Variants in DTNA observed in about 807,000 individuals in gnomAD.
The protein encoded by DTNA is dystrobrevin alpha, also known as dystrophin-related protein 3.
In DTNA, 43 loss-of-function variants were observed where a neutral mutation model predicts 100.7. The observed-to-expected ratio is 0.43, with a 90% CI of 0.33 to 0.55. The LOEUF is 0.55. DTNA is among the 20% of genes least tolerant of loss of function. The pLI, the probability that DTNA is intolerant of heterozygous loss-of-function variation, is 0.04. For synonymous variants in DTNA, 349 were observed against 347.9 expected (o/e 1.00, Z -0.04); for missense variants, 798 against 953.9 (o/e 0.84, Z 2.15).
chr18:34,840,650 A>G (rs760504491), intron 13 of DTNA, among the ~76,000 whole-genome samples: 4 of 152,158 alleles, frequency 2.6e-5, no homozygotes, highest in Non-Finnish European at 5.9e-5. Context: ...TAAGACCATA[A>G]ATCTGTCTCA....
intron 3 of DTNA, among the ~76,000 whole-genome samples, chr18:34,778,884 C>G (rs911107144): frequency 6.6e-6 from 1 of 152,024 alleles, no homozygotes; most frequent in African/African-American, 2.4e-5. Context: ...GTGGCGTGAT[C>G]TCGGCTCACT....
rs2096965845 is a variant in DTNA at position 34,891,791 on chromosome 18, A to G, written c.*4057A>G. 1 of 152,200 alleles carries G rather than the reference A, an allele frequency of 6.6e-6. No individual in the cohort carries two copies. The highest frequency in any genetic ancestry group is 1.5e-5 in the Non-Finnish European group (1 of 68,024). 9.4% of individuals were successfully genotyped at this position (152,200 alleles called of 1,614,324 possible). A position where few individuals can be genotyped will look rare whatever the true frequency, so the allele number is the denominator to read the frequency against. On this transcript the variant is annotated 3_prime_UTR_variant, in exon 23 of 23. Coordinates refer to ENST00000444659, the MANE Select transcript of DTNA (RefSeq NM_001386795.1). ...GCATCTAGCCATGTATTCTGCAAAT[A>G]TTAAGTGCTCAATGGTTTTTTTGTT... is the stretch of plus-strand genomic sequence containing the variant.
intron 1 of DTNA, among the ~76,000 whole-genome samples, chr18:34,716,290 C>G (rs902159695): frequency 1.3e-5 from 2 of 152,132 alleles, no homozygotes; most frequent in African/African-American, 4.8e-5. Flanking sequence ...GGCCGGGCAC[C>G]GTGGCTCACA....
In DTNA at chr18:34,864,172, A is replaced by G; in HGVS notation, c.1743+110A>G. The stretch of plus-strand genomic sequence containing the variant: ...CAATTGCTGTATGTGATTTCCCTCA[A>G]CATGTTGTTTCAAGCTCAGATGTAA... On this transcript the variant is annotated intron_variant, in intron 17 of 22. Transcript: ENST00000444659. 4 of 959,690 alleles carry G rather than the reference A, an allele frequency of 4.2e-6. No individual in the cohort carries two copies. In the South Asian group the frequency reaches 5.8e-5, roughly 14 times the overall value. 59.4% of individuals were successfully genotyped at this position (959,690 alleles called of 1,614,324 possible).
chr18:34,711,577 G>A (rs1230466484), intron 1 of DTNA, among the ~76,000 whole-genome samples: 1 of 152,154 alleles, frequency 6.6e-6, no homozygotes. Flanking sequence ...CTTTCTTAGT[G>A]AACTAAAATC....
intron 1 of DTNA, among the ~76,000 whole-genome samples, chr18:34,736,611 T>C (rs2089644398): frequency 6.6e-6 from 1 of 152,204 alleles, no homozygotes; most frequent in Admixed American, 6.5e-5. Context: ...TATTCTGAAA[T>C]TTAAGGCCTC....
rs1009497232 is a variant in DTNA at position 34,753,678 on chromosome 18, G to A, written c.-1-2298G>A. On this transcript the variant is annotated intron_variant, in intron 1 of 22. Coordinates refer to ENST00000444659, the MANE Select transcript of DTNA (RefSeq NM_001386795.1). Reference sequence around the variant, plus strand: ...ATTACAGGCGTGAGCCACCGCGCCCGGCCTGTGATTTATTTTTAATCATTC... The same window carrying A: ...ATTACAGGCGTGAGCCACCGCGCCCAGCCTGTGATTTATTTTTAATCATTC... Among the ~76,000 whole-genome samples, 7 of 141,822 alleles carry A rather than the reference G, an allele frequency of 4.9e-5. No homozygotes were observed. In the South Asian group the frequency reaches 6.2e-4, roughly 13 times the overall value. The allele number at this position is 141,822 out of a possible 152,430, so 93.0% of individuals were successfully genotyped here. A position where few individuals can be genotyped will look rare whatever the true frequency, so the allele number is the denominator to read the frequency against.
In DTNA at chr18:34,826,954, C is replaced by T. The variant is rs546204705; in HGVS notation, c.1002-639C>T. 2.6e-5 allele frequency among the ~76,000 whole-genome samples: 4 copies of T among 152,234 alleles called. No individual in the cohort carries two copies. The East Asian group carries it at 7.7e-4, about 29-fold the overall frequency. Reference sequence around the variant, plus strand: ...CTGAGGAAAATTGAATTCTGTTTTCCTTCTCTTATCATAAGAAAACAAGTG... The same window carrying T: ...CTGAGGAAAATTGAATTCTGTTTTCTTTCTCTTATCATAAGAAAACAAGTG... On this transcript the variant is annotated intron_variant, in intron 9 of 22. Transcript: ENST00000444659.
At chr18:34,867,685 A>G (rs1362327649) in intron 17 of DTNA, 1 of 986,586 alleles carries the variant, frequency 1.0e-6, no homozygotes, top group Admixed American at 6.1e-5. Context: ...CCTTGGGGAT[A>G]CTTTCCAGGC....
intron 1 of DTNA, among the ~76,000 whole-genome samples, chr18:34,723,466 ATAAT>A (rs1203116050): frequency 1.3e-5 from 2 of 152,252 alleles, no homozygotes; most frequent in Admixed American, 1.3e-4. Flanking sequence ...CATAATAGAA[ATAAT>A]TTATATATTG....
rs2075166369 is a variant in DTNA at position 34,661,401 on chromosome 18, T to C, written c.-1-94575T>C. 1.3e-5 allele frequency among the ~76,000 whole-genome samples: 2 copies of C among 152,244 alleles called. 1 individual carries two copies. The highest frequency in any genetic ancestry group is 6.8e-3 in the Middle Eastern group (2 of 294). ...GCCCTGCCTTCTGTTAGAGTACAAG[T>C]TTTTAGATTCTTCTCTTTTCCTGGT... On this transcript the variant is annotated intron_variant, in intron 1 of 19. Coordinates refer to the DTNA transcript ENST00000283365.
chr18:34,564,656 G>A (rs1049079856), intron 1 of DTNA, among the ~76,000 whole-genome samples: 2 of 152,182 alleles, frequency 1.3e-5, no homozygotes, highest in Non-Finnish European at 2.9e-5. Flanking sequence ...AAGTTGAGGT[G>A]TATTGTGTTT....
At chr18:34,557,346 C>T (rs1285169946) in intron 1 of DTNA, among the ~76,000 whole-genome samples, 6 of 149,838 alleles carry the variant, frequency 4.0e-5, no homozygotes, top group Non-Finnish European at 8.9e-5. Flanking sequence ...ATTTGATCGT[C>T]TGAAGCCTTC....
chr18:34,499,909 AT>A (rs1327127935), intron 1 of DTNA, among the ~76,000 whole-genome samples: 1 of 152,014 alleles, frequency 6.6e-6, no homozygotes. Flanking sequence ...ATTTGTTTGG[AT>A]TTATTTTGGG....
chr18:34,731,485 C>CAA (rs10712202), intron 1 of DTNA, among the ~76,000 whole-genome samples: 1 of 106,584 alleles, frequency 9.4e-6, no homozygotes. Context: ...GACTCCGTCT[C>CAA]AAAAAAAAAA....
chr18:34,561,199 T>C (rs895368776), intron 1 of DTNA, among the ~76,000 whole-genome samples: 3 of 152,160 alleles, frequency 2.0e-5, no homozygotes, highest in Admixed American at 1.3e-4. Context: ...CAAACATGAC[T>C]GTGACAACGG....
chr18:34,838,205 ATTAAC>A lies in DTNA; in HGVS notation c.1253+36_1253+40del, dbSNP rs766180890. 17 of 1,607,502 alleles carry A rather than the reference ATTAAC, an allele frequency of 1.1e-5. No individual in the cohort carries two copies. In the South Asian group the frequency reaches 1.9e-4, roughly 18 times the overall value. On this transcript the variant is annotated intron_variant, in intron 12 of 22. Coordinates refer to ENST00000444659, the MANE Select transcript of DTNA (RefSeq NM_001386795.1). ...CAGCCAGAGTGTACTGGAACCCTGC[ATTAAC>A]TAAACTAAAAATGGAGATTTCTTTT...
intron 1 of DTNA, among the ~76,000 whole-genome samples, chr18:34,641,484 C>G (rs2059273340): frequency 6.6e-6 from 1 of 152,218 alleles, no homozygotes; most frequent in Non-Finnish European, 1.5e-5. Flanking sequence ...CAGGCCTAGT[C>G]TCTCTTCCTA....
intron 1 of DTNA, among the ~76,000 whole-genome samples, chr18:34,700,631 T>G (rs1021272032): frequency 7.2e-5 from 11 of 152,348 alleles, no homozygotes; most frequent in East Asian, 1.9e-4. Flanking sequence ...TAGCTGAGCT[T>G]TGTTGCAGAA....
Sources: gnomAD v4.1 joint callset for allele counts (sites outside exome capture counted in the v4.1 genomes callset) on GRCh38, gnomAD v4.1.1 for gene constraint, MANE v1.5 for transcripts, NCBI Gene and HGNC (gene_info 2026-07-23, HGNC 2026-07-21) for gene names.